Variants in EPB41L4A observed in about 807,000 individuals in gnomAD.
The protein encoded by EPB41L4A is erythrocyte membrane protein band 4.1 like 4A, also known as band 4.1-like protein 4A.
A neutral mutation model predicts 108.6 loss-of-function variants in EPB41L4A; 100 were observed. The observed-to-expected ratio is 0.92, with a 90% CI of 0.78 to 1.09. The LOEUF (loss-of-function observed/expected upper bound fraction) is 1.09, where lower values mean the gene tolerates loss of function less well. Among genes scored for constraint, EPB41L4A ranks in the 50% least tolerant of loss-of-function variants. EPB41L4A has a pLI of 0.00. For missense variants in EPB41L4A, 1,030 were observed against 842.7 expected (o/e 1.22, Z -2.75); for synonymous variants, 319 against 289.0 (o/e 1.10, Z -1.05).
chr5:112,238,478 C>T (rs943467962), intron 11 of EPB41L4A, among the ~76,000 whole-genome samples: 2 of 152,142 alleles, frequency 1.3e-5, no homozygotes, highest in Non-Finnish European at 2.9e-5. Flanking sequence ...ATATTCATTA[C>T]TCTTTTACTG....
intron 1 of EPB41L4A, among the ~76,000 whole-genome samples, chr5:112,405,262 G>A (rs945192180): frequency 6.6e-6 from 1 of 152,150 alleles, no homozygotes; most frequent in African/African-American, 2.4e-5. Context: ...GAAGGCCAGT[G>A]AGGAACTGAG....
intron 1 of EPB41L4A, among the ~76,000 whole-genome samples, chr5:112,326,601 G>A (rs1311614140): frequency 6.6e-6 from 1 of 152,134 alleles, no homozygotes. Flanking sequence ...GCTGTGTCTT[G>A]TTCCAGTGCG....
chr5:112,212,212 G>A (rs1762776588), intron 12 of EPB41L4A, among the ~76,000 whole-genome samples: 1 of 152,026 alleles, frequency 6.6e-6, no homozygotes, highest in Non-Finnish European at 1.5e-5. Context: ...AACTCCATGT[G>A]GTACACGTCT....
intron 2 of EPB41L4A, among the ~76,000 whole-genome samples, chr5:112,292,075 A>C (rs1753678584): frequency 6.6e-6 from 1 of 152,190 alleles, no homozygotes; most frequent in Admixed American, 6.5e-5. Flanking sequence ...TTTTCAAAGC[A>C]TTCAGTACCT....
At chr5:112,173,031 C>A (rs1760672148) in intron 18 of EPB41L4A, among the ~76,000 whole-genome samples, 2 of 152,130 alleles carry the variant, frequency 1.3e-5, no homozygotes, top group African/African-American at 4.8e-5. Context: ...AGACAATGTC[C>A]CCTTGGAAGC....
At chr5:112,418,807 G>A in intron 1 of EPB41L4A, 134 bp downstream of exon 1, 1 of 632,316 alleles carries the variant, frequency 1.6e-6, no homozygotes, top group African/African-American at 1.8e-5. Flanking sequence ...GCGCGCAGGG[G>A]ACAGCGGCCT....
intron 17 of EPB41L4A, among the ~76,000 whole-genome samples, chr5:112,190,177 T>C (rs141095521): frequency 1.2e-4 from 18 of 152,332 alleles, no homozygotes; most frequent in Admixed American, 1.1e-3. Flanking sequence ...CAAATTAGTA[T>C]AGCAAAGTAA....
At chr5:112,276,519 T>A (rs1752639065) in intron 3 of EPB41L4A, among the ~76,000 whole-genome samples, 1 of 152,218 alleles carries the variant, frequency 6.6e-6, no homozygotes, top group African/African-American at 2.4e-5. Flanking sequence ...ATTTGTTTTG[T>A]TACCTGGTAT....
rs375297701 is a variant in EPB41L4A at position 112,377,247 on chromosome 5, C to A, written c.99+41694G>T. Among the ~76,000 whole-genome samples the A allele has an allele frequency of 2.7e-5, 4 of 149,738 alleles. No individual in the cohort carries two copies. The East Asian group carries it at 7.9e-4, about 30-fold the overall frequency. ...AAAAAAAAAAGACAATATGTGGAAT[C>A]TTTGAGATAATGGAAATGCTCTGTA... On this transcript the variant is annotated intron_variant, in intron 1 of 22. Transcript: ENST00000261486.
At chr5:112,216,461 T>C (rs1348219985) in intron 12 of EPB41L4A, among the ~76,000 whole-genome samples, 3 of 152,202 alleles carry the variant, frequency 2.0e-5, no homozygotes, top group Non-Finnish European at 4.4e-5. Flanking sequence ...GAATACCTTA[T>C]TCTGATATGT....
chr5:112,291,666 C>T (rs1246450908), intron 2 of EPB41L4A, among the ~76,000 whole-genome samples: 1 of 152,168 alleles, frequency 6.6e-6, no homozygotes, highest in Non-Finnish European at 1.5e-5. Flanking sequence ...AAGTCTAGCC[C>T]TATACACCTG....
intron 1 of EPB41L4A, among the ~76,000 whole-genome samples, chr5:112,349,504 C>T (rs11740736): frequency 0.15 from 22,300 of 152,142 alleles, 1,810 homozygotes; most frequent in East Asian, 0.32. Context: ...ATAACAGCTG[C>T]TATAGGGACA....
chr5:112,264,785 G>T, intron 6 of EPB41L4A, 111 bp downstream of exon 6: 1 of 1,069,154 alleles, frequency 9.4e-7, no homozygotes, highest in Non-Finnish European at 1.3e-6. Context: ...AGGAGTATTA[G>T]AATATTAAAT....
intron 12 of EPB41L4A, among the ~76,000 whole-genome samples, chr5:112,223,298 C>G (rs1217724930): frequency 3.3e-5 from 5 of 152,018 alleles, no homozygotes. Flanking sequence ...ACCAAAATAA[C>G]CCTGAACTCT....
At chr5:112,368,765 G>A (rs748407816) in intron 1 of EPB41L4A, among the ~76,000 whole-genome samples, 5 of 152,056 alleles carry the variant, frequency 3.3e-5, no homozygotes, top group African/African-American at 7.2e-5. Context: ...TGCTTTTCTG[G>A]TTCTTCTGGA....
At chr5:112,376,337 T>A (rs1359822247) in intron 1 of EPB41L4A, among the ~76,000 whole-genome samples, 2 of 152,198 alleles carry the variant, frequency 1.3e-5, no homozygotes, top group East Asian at 3.8e-4. Context: ...TATCACTATA[T>A]ATCTAACAGG....
chr5:112,296,756 C>T (rs1234412933), intron 2 of EPB41L4A, among the ~76,000 whole-genome samples: 1 of 152,072 alleles, frequency 6.6e-6, no homozygotes, highest in East Asian at 1.9e-4. Flanking sequence ...CCCTCACCCC[C>T]TTCCTACCCC....
chr5:112,367,277 T>C (rs1032890038), intron 1 of EPB41L4A, among the ~76,000 whole-genome samples: 9 of 152,222 alleles, frequency 5.9e-5, no homozygotes, highest in African/African-American at 2.2e-4. Flanking sequence ...GCACCTCATA[T>C]CTGCTCTTGA....
intron 1 of EPB41L4A, among the ~76,000 whole-genome samples, chr5:112,326,641 G>A (rs903585358): frequency 5.9e-5 from 9 of 151,930 alleles, no homozygotes; most frequent in African/African-American, 1.2e-4. Context: ...TGCTTACTTC[G>A]GCACTCCTAA....
Sources: allele counts gnomAD v4.1 joint callset (sites outside exome capture counted in the v4.1 genomes callset), GRCh38; gene constraint gnomAD v4.1.1; transcripts MANE v1.5; gene names NCBI Gene and HGNC (gene_info 2026-07-23, HGNC 2026-07-21).